Variants in SLC25A27 observed in about 807,000 individuals in gnomAD.
SLC25A27 encodes mitochondrial uncoupling protein 4.
Under a neutral mutation model 49.1 loss-of-function variants are expected in SLC25A27, and 35 were observed. That is an observed-to-expected ratio of 0.71 (90% CI 0.54 to 0.95). The LOEUF (loss-of-function observed/expected upper bound fraction) is 0.95. SLC25A27 is among the 40% of genes least tolerant of loss of function. SLC25A27 has a pLI of 0.00. For synonymous variants in SLC25A27, 144 were observed against 136.9 expected, an observed-to-expected ratio of 1.05 and a Z score of -0.36; for missense variants, 339 against 397.1, an observed-to-expected ratio of 0.85 and a Z score of 1.24.
At chr6:46,671,083 T>C in intron 7 of SLC25A27, 43 bp from the exon 8 acceptor site, 4 of 1,316,976 alleles carry the variant, frequency 3.0e-6, no homozygotes, top group Non-Finnish European at 4.3e-6. Flanking sequence ...ATATATATTT[T>C]TTTACACAGA....
intron 2 of SLC25A27, 38 bp from the exon 3 acceptor site, chr6:46,658,924 T>C (rs200124772): frequency 1.4e-6 from 2 of 1,386,350 alleles, no homozygotes; most frequent in Admixed American, 3.3e-5. Flanking sequence ...TAGATACATA[T>C]AGCCAAAGTT....
chr6:46,660,370 A>C (rs1248982372), intron 3 of SLC25A27, among the ~76,000 whole-genome samples: 1 of 152,148 alleles, frequency 6.6e-6, no homozygotes, highest in Non-Finnish European at 1.5e-5. Flanking sequence ...ACCAATAATC[A>C]GGGAAATTAA....
Position 46,676,640 on chromosome 6 carries a change from C to G in SLC25A27, c.*186C>G. The G allele has an allele frequency of 6.4e-7, 1 of 1,550,998 alleles. No homozygotes were observed. Among genetic ancestry groups the G allele is most frequent in the Non-Finnish European group, 8.7e-7 (1 of 1,146,990 alleles). The stretch of plus-strand genomic sequence containing the variant: ...AGTTCTCTTTGACTCCTCTTTTTGT[C>G]CAAAAGTGATCTGGTCGGATCTCAC... On this transcript the variant is annotated 3_prime_UTR_variant, in exon 9 of 9. Transcript: ENST00000371347.
chr6:46,671,586 C>CA (rs566899122), intron 8 of SLC25A27, among the ~76,000 whole-genome samples: 50 of 150,208 alleles, frequency 3.3e-4, no homozygotes, highest in African/African-American at 9.5e-4. Flanking sequence ...ACCTCTCCTA[C>CA]AAAAAAAAAT....
At chr6:46,670,970 TC>T (rs1763510539) in intron 7 of SLC25A27, among the ~76,000 whole-genome samples, 155 bp from the exon 8 acceptor site, 1 of 152,200 alleles carries the variant, frequency 6.6e-6, no homozygotes, top group South Asian at 2.1e-4. Flanking sequence ...GACCTCATGA[TC>T]TGCCTGCCTC....
At chr6:46,671,045 TAA>T (rs1204141757) in intron 7 of SLC25A27, 79 bp from the exon 8 acceptor site, 2 of 1,012,148 alleles carry the variant, frequency 2.0e-6, no homozygotes, top group East Asian at 5.7e-5. Context: ...TTAATTTTTA[TAA>T]GATTCCTTAG....
intron 3 of SLC25A27, among the ~76,000 whole-genome samples, chr6:46,659,953 C>G (rs1341247277): frequency 6.6e-6 from 1 of 151,748 alleles, no homozygotes; most frequent in Non-Finnish European, 1.5e-5. Context: ...TCTAACTCGT[C>G]TCCTCCTCCA....
intron 2 of SLC25A27, among the ~76,000 whole-genome samples, chr6:46,657,323 C>A (rs924913682): frequency 6.6e-6 from 1 of 151,996 alleles, no homozygotes; most frequent in Non-Finnish European, 1.5e-5. Flanking sequence ...ATTAGCCGGG[C>A]CTAGTGGCGC....
rs764314913 is a variant in SLC25A27, at chr6:46,676,472, C to T, written c.*18C>T. The T allele has an allele frequency of 6.2e-7, 1 of 1,613,430 alleles. No individual in the cohort carries two copies. ...CATTTTAAACCCCTAAAGATGCAAC[C>T]CTTAAAGATACAGTGTTCAGTATTA... On this transcript the variant is annotated 3_prime_UTR_variant, in exon 9 of 9. Transcript: ENST00000371347.
intron 1 of SLC25A27, chr6:46,654,043 T>G: frequency 1.2e-6 from 1 of 849,640 alleles, no homozygotes; most frequent in Non-Finnish European, 1.4e-6. Flanking sequence ...AGCAGTTACA[T>G]CTGCCTACAT....
chr6:46,665,229 C>G (rs1179852624), intron 5 of SLC25A27, among the ~76,000 whole-genome samples: 1 of 152,128 alleles, frequency 6.6e-6, no homozygotes, highest in African/African-American at 2.4e-5. Flanking sequence ...TATATCCAGA[C>G]TGTCCAAATC....
intron 4 of SLC25A27, among the ~76,000 whole-genome samples, chr6:46,664,414 T>C (rs1223826639): frequency 6.6e-6 from 1 of 152,190 alleles, no homozygotes; most frequent in African/African-American, 2.4e-5. Context: ...CCATCACCAG[T>C]AAAATTAACC....
intron 8 of SLC25A27, 108 bp downstream of exon 8, chr6:46,671,336 CA>C (rs1472896874): frequency 2.2e-5 from 12 of 549,992 alleles, no homozygotes; most frequent in Middle Eastern, 3.7e-4. Context: ...CCCTGCCCCC[CA>C]AATCAAGGTC....
intron 2 of SLC25A27, chr6:46,658,611 GCAA>G (rs1763064274): frequency 5.2e-6 from 2 of 385,478 alleles, no homozygotes; most frequent in Non-Finnish European, 1.0e-5. Context: ...GGAAAGATAA[GCAA>G]GAAGAGTTAA....
chr6:46,668,775 T>C lies in SLC25A27; in HGVS notation c.686T>C (p.Met229Thr). 1.9e-6 allele frequency: 3 copies of C among 1,601,302 alleles called. No homozygotes were observed. The highest frequency in any genetic ancestry group is 2.6e-6 in the Non-Finnish European group (3 of 1,168,554). Residue 229 changes from methionine to threonine, a missense_variant, in exon 6 of 9, where the codon ATG becomes ACG. Met to Thr is a moderately conservative substitution (Grantham distance 81). Transcript: ENST00000371347. ...AATACACCACTTGAGGACAATATCATGACTCACGGTTTATCAAGGTAAGGA... is the reference window on the plus strand; with the variant it reads ...AATACACCACTTGAGGACAATATCACGACTCACGGTTTATCAAGGTAAGGA... The part of the protein sequence containing the change: ...VLNTPLEDNI[M>T]THGLSSLCSG...
chr6:46,654,912 CTT>C (rs964572950), intron 1 of SLC25A27, among the ~76,000 whole-genome samples: 9 of 152,002 alleles, frequency 5.9e-5, no homozygotes, highest in Non-Finnish European at 1.2e-4. Flanking sequence ...ATTGAAAAGT[CTT>C]ATATAATGTA....
rs776843987 is a variant in SLC25A27, at chr6:46,653,105, G to A, written c.-88G>A. ...CACCCGGCCACTCGCCGGTTGAAAA[G>A]GGGCCGCCCTGGCAGGGAAGCGGCC... On this transcript the variant is annotated 5_prime_UTR_variant, in exon 1 of 9. Transcript: ENST00000371347. 2.9e-4 allele frequency: 374 copies of A among 1,310,232 alleles called. No individual in the cohort carries two copies. The highest frequency in any genetic ancestry group is 3.9e-4 in the Non-Finnish European group (366 of 927,494). The allele number at this position is 1,310,232 out of a possible 1,614,324, so 81.2% of individuals were successfully genotyped here.
intron 1 of SLC25A27, 104 bp from the exon 2 acceptor site, chr6:46,655,739 T>C (rs1762956752): frequency 2.1e-6 from 2 of 961,132 alleles, no homozygotes; most frequent in Non-Finnish European, 3.1e-6. Flanking sequence ...TATTCTAAAA[T>C]TTGAGAACAA....
chr6:46,664,841 G>T lies in SLC25A27; in HGVS notation c.574G>T (p.Gly192Cys). 6.2e-7 allele frequency: 1 copy of T among 1,608,350 alleles called. No homozygotes were observed. The highest frequency in any genetic ancestry group is 8.5e-7 in the Non-Finnish European group (1 of 1,176,924). The part of the protein sequence containing the change: ...AEGGIRGLWA[G>C]WVPNIQRAAL... ...AGGAGGAATACGAGGGCTTTGGGCA[G>T]GCTGGGTACCCAATATACAAAGAGC... The change falls in exon 5 of 9, where the codon GGC (glycine) becomes TGC (cysteine). Residue 192 changes from glycine (G) to cysteine (C), a missense_variant. Gly to Cys is a radical substitution (Grantham distance 159). Coordinates refer to ENST00000371347, the MANE Select transcript of SLC25A27 (RefSeq NM_004277.5).
Sources: allele counts gnomAD v4.1 joint callset (sites outside exome capture counted in the v4.1 genomes callset), GRCh38; gene constraint gnomAD v4.1.1; transcripts MANE v1.5; gene names NCBI Gene and HGNC (gene_info 2026-07-23, HGNC 2026-07-21).